The following LBHD1 variants were observed in gnomAD, a reference collection of about 807,000 sequenced individuals.
LBHD1 encodes LBH domain-containing protein 1.
Under a neutral mutation model 31.1 loss-of-function variants are expected in LBHD1, and 28 were observed. That is an observed-to-expected ratio of 0.90 (90% CI 0.67 to 1.24). The LOEUF (loss-of-function observed/expected upper bound fraction) is 1.24. LBHD1 is among the 50% of genes most tolerant of loss of function. The pLI is 0.00. For missense variants in LBHD1, 350 were observed against 323.0 expected (o/e 1.08, Z -0.64); for synonymous variants, 105 against 116.5 (o/e 0.90, Z 0.63).
rs1354586077 is a variant in LBHD1 at position 62,665,092 on chromosome 11, A to G, written c.539-119T>C. 2.1e-6 allele frequency: 3 copies of G among 1,447,194 alleles called. No individual in the cohort carries two copies. In the African/African-American group the frequency reaches 4.2e-5, roughly 20 times the overall value. The allele number at this position is 1,447,194 out of a possible 1,614,324, so 89.6% of individuals were successfully genotyped here. On this transcript the variant is annotated intron_variant, in intron 4 of 6. Transcript: ENST00000354588. ...TCGTGCGAGATAAAAGGGCTCAGGA[A>G]CGCTTGAGGAAACAAAGTCGCGGCC... is the stretch of plus-strand genomic sequence containing the variant.
chr11:62,670,290 C>G, intron 1 of LBHD1: 1 of 475,160 alleles, frequency 2.1e-6, no homozygotes, highest in Non-Finnish European at 3.7e-6. Context: ...CCCTGTGGGC[C>G]AAGAGTTGTG....
rs1455597262 is a variant in LBHD1, at chr11:62,663,610, C to T, written c.664-277G>A. Among the ~76,000 whole-genome samples, 12 of 150,088 alleles carry T rather than the reference C, an allele frequency of 8.0e-5. No individual in the cohort carries two copies. In the South Asian group the frequency reaches 1.9e-3, roughly 24 times the overall value. ...TCGGGAGGCTGCGGCAGGAGAATGG[C>T]GTGAACCCAGAAGGCGGAGCTTGCA... On this transcript the variant is annotated intron_variant, in intron 5 of 6. Transcript: ENST00000354588.
In LBHD1 at chr11:62,662,848, T is replaced by A. The variant is rs1590843246; in HGVS notation, c.*281A>T. The A allele has an allele frequency of 3.8e-6, 2 of 525,078 alleles. No homozygotes were observed. The highest frequency in any genetic ancestry group is 2.5e-5 in the South Asian group (1 of 39,902). The allele number at this position is 525,078 out of a possible 1,614,324, so 32.5% of individuals were successfully genotyped here. On this transcript the variant is annotated 3_prime_UTR_variant, in exon 7 of 7. Coordinates refer to ENST00000354588, the MANE Select transcript of LBHD1 (RefSeq NM_024099.5). ...TGCTAGGGCTTTATTACAAATGGAG[T>A]TGACTGCTAGAGAGGCCCTTCTCCA...
At chr11:62,670,232 A>G in intron 1 of LBHD1, 191 bp from the exon 2 acceptor site, 2 of 612,334 alleles carry the variant, frequency 3.3e-6, no homozygotes, top group Admixed American at 6.8e-5. Flanking sequence ...CTCCCTGGAG[A>G]CACTGGGATG....
chr11:62,665,845 T>C (rs199880114), intron 4 of LBHD1: 45 of 1,608,348 alleles, frequency 2.8e-5, no homozygotes, highest in Non-Finnish European at 3.7e-5. Flanking sequence ...ACGCTTCACA[T>C]AAGCTTCTCT....
At chr11:62,667,467 A>G (rs777395137) in intron 4 of LBHD1, 56 bp downstream of exon 4, 6 of 1,552,762 alleles carry the variant, frequency 3.9e-6, no homozygotes, top group Non-Finnish European at 5.3e-6. Context: ...GAGGATGGGT[A>G]TAAGGAGCTT....
chr11:62,671,667 AGG>A lies in LBHD1; in HGVS notation c.-116_-115del, dbSNP rs1018507334. On this transcript the variant is annotated 5_prime_UTR_variant, in exon 1 of 7. The change creates a premature stop within an existing upstream ORF in the 5' untranslated region. Coordinates refer to ENST00000354588, the MANE Select transcript of LBHD1 (RefSeq NM_024099.5). ...CTATAGGGCGCTCTAGCCTGCGCCA[AGG>A]GGTAGTGAGACCGCGCGGCAACAGC... is the stretch of plus-strand genomic sequence containing the variant. 13 of 1,581,212 alleles carry A rather than the reference AGG, an allele frequency of 8.2e-6. No homozygotes were observed. The highest frequency in any genetic ancestry group is 1.1e-5 in the Non-Finnish European group (13 of 1,164,726).
chr11:62,665,101 G>A (rs1944758198), intron 4 of LBHD1, 128 bp from the exon 5 acceptor site: 1 of 1,397,068 alleles, frequency 7.2e-7, no homozygotes, highest in South Asian at 1.2e-5. Flanking sequence ...AACGCTTGAG[G>A]AAACAAAGTC....
chr11:62,665,214 G>A, intron 4 of LBHD1: 2 of 788,670 alleles, frequency 2.5e-6, no homozygotes, highest in Non-Finnish European at 4.3e-6. Context: ...TCCGCTCAGC[G>A]CCGGATCCGC....
Position 62,664,973 on chromosome 11 carries a change from C to T in LBHD1, c.539G>A (p.Gly180Glu). The change falls in exon 5 of 7, where the codon GGA becomes GAA. Residue 180 changes from glycine (G) to glutamate (E), a missense_variant and splice_region_variant. Physicochemically the swap from Gly to Glu is moderately conservative, Grantham distance 98. Transcript: ENST00000354588. ...SHLLPPNSFEGAEEEAVQTPA... is the reference protein window; with the variant it reads ...SHLLPPNSFEEAEEEAVQTPA... ...CGTTTGAACAGCTTCTTCTTCAGCT[C>T]CTGCCGGGGAGAAAGATGCGAATCA... The T allele has an allele frequency of 3.1e-6, 5 of 1,611,210 alleles. No homozygotes were observed. Among genetic ancestry groups the T allele is most frequent in the Non-Finnish European group, 4.2e-6 (5 of 1,179,788 alleles).
chr11:62,665,353 A>G lies in LBHD1; in HGVS notation c.539-380T>C, dbSNP rs568466658. ...AGCTAGTAAGTGTGGTTTTAGCTGT[A>G]GTAGCCAGATTGGGCGGCCGGGAGT... On this transcript the variant is annotated intron_variant, in intron 4 of 6. Coordinates refer to ENST00000354588, the MANE Select transcript of LBHD1 (RefSeq NM_024099.5). 5.9e-6 allele frequency: 5 copies of G among 840,734 alleles called. No individual in the cohort carries two copies. In the Admixed American group the frequency reaches 6.8e-5, roughly 11 times the overall value. The allele number at this position is 840,734 out of a possible 1,614,324, so 52.1% of individuals were successfully genotyped here.
rs1944949679 is a variant in LBHD1 at position 62,671,763 on chromosome 11, A to G, written c.-210T>C. 1.9e-6 allele frequency: 3 copies of G among 1,613,828 alleles called. No individual in the cohort carries two copies. Among genetic ancestry groups the G allele is most frequent in the Non-Finnish European group, 2.5e-6 (3 of 1,179,856 alleles). ...AGGCGGCCATGGATTCCTTGCGGAA[A>G]ATGCTGATCTCAGTCGCAATGCTGG... is the stretch of plus-strand genomic sequence containing the variant. On this transcript the variant is annotated 5_prime_UTR_variant, in exon 1 of 7. Coordinates refer to ENST00000354588, the MANE Select transcript of LBHD1 (RefSeq NM_024099.5).
At chr11:62,666,526 A>G in intron 4 of LBHD1, 1 of 1,614,142 alleles carries the variant, frequency 6.2e-7, no homozygotes, top group African/African-American at 1.3e-5. Flanking sequence ...TCCTACTGCC[A>G]TTGCTGCAGG....
intron 4 of LBHD1, chr11:62,666,070 G>A (rs980334883): frequency 8.9e-7 from 1 of 1,123,398 alleles, no homozygotes; most frequent in South Asian, 1.4e-5. Context: ...ACGGTGGGCC[G>A]TGCGTGGTGG....
At chr11:62,667,780 T>TA (rs1344902652) in intron 3 of LBHD1, 33 bp from the exon 4 acceptor site, 2 of 1,396,628 alleles carry the variant, frequency 1.4e-6, no homozygotes, top group Non-Finnish European at 2.0e-6. Flanking sequence ...ACAAAAATAT[T>TA]ACTGATATAT....
At chr11:62,665,495 T>C in intron 4 of LBHD1, 2 of 1,573,098 alleles carry the variant, frequency 1.3e-6, no homozygotes, top group South Asian at 1.1e-5. Flanking sequence ...GAAAGGGCTC[T>C]GGCCCCCTCG....
intron 4 of LBHD1, chr11:62,666,803 C>T: frequency 6.2e-7 from 1 of 1,614,166 alleles, no homozygotes. Context: ...CTCTTTCCAA[C>T]TACTGCTGGA....
chr11:62,666,232 A>T, intron 4 of LBHD1: 1 of 785,712 alleles, frequency 1.3e-6, no homozygotes, highest in Non-Finnish European at 2.1e-6. Context: ...GCTACTCAGG[A>T]GGCTGAGGTG....
chr11:62,666,771 TGG>T (rs1565127883), intron 4 of LBHD1: 2 of 1,614,160 alleles, frequency 1.2e-6, no homozygotes, highest in South Asian at 2.2e-5. Context: ...GCTCAGAACC[TGG>T]GGGCTGTGGC....
Sources: allele counts gnomAD v4.1 joint callset (sites outside exome capture counted in the v4.1 genomes callset), GRCh38; gene constraint gnomAD v4.1.1; transcripts MANE v1.5; gene names NCBI Gene and HGNC (gene_info 2026-07-23, HGNC 2026-07-21).